Variants in CSGALNACT1 observed in about 807,000 individuals in gnomAD.
CSGALNACT1 encodes chondroitin sulfate N-acetylgalactosaminyltransferase 1.
In CSGALNACT1, 52 loss-of-function variants were observed where a neutral mutation model predicts 51.0. The observed-to-expected ratio is 1.02, with a 90% CI of 0.82 to 1.29. The LOEUF is 1.29. CSGALNACT1 is among the 50% of genes most tolerant of loss of function. The pLI is 0.00. For missense variants in CSGALNACT1, 935 were observed against 679.2 expected (o/e 1.38, Z -4.19); for synonymous variants, 341 against 254.4 (o/e 1.34, Z -3.24).
At chr8:19,666,984 A>G (rs1285046610) in intron 1 of CSGALNACT1, among the ~76,000 whole-genome samples, 31 of 16,832 alleles carry the variant, frequency 1.8e-3, no homozygotes, top group South Asian at 2.4e-3. Context: ...AGAAAGAAAG[A>G]AAGAAAGAAA....
intron 1 of CSGALNACT1, among the ~76,000 whole-genome samples, chr8:19,724,915 A>T (rs1276060962): frequency 1.3e-5 from 2 of 152,148 alleles, no homozygotes; most frequent in East Asian, 1.9e-4. Context: ...CTGGTGATGG[A>T]TGACTATCCA....
At chr8:19,404,376 G>T (rs936555705) in exon 10 of CSGALNACT1, 2 of 453,616 alleles carry the variant, frequency 4.4e-6, no homozygotes, top group African/African-American at 4.0e-5. Context: ...TGCATCTGGT[G>T]CTGGCTAATA....
chr8:19,656,290 T>A (rs996170170), intron 1 of CSGALNACT1, among the ~76,000 whole-genome samples: 1 of 152,196 alleles, frequency 6.6e-6, no homozygotes, highest in Admixed American at 6.5e-5. Context: ...GGGAAAAAGA[T>A]CTATCCTAAA....
chr8:19,741,153 C>T (rs2064287942), intron 1 of CSGALNACT1, among the ~76,000 whole-genome samples: 1 of 152,184 alleles, frequency 6.6e-6, no homozygotes, highest in African/African-American at 2.4e-5. Flanking sequence ...ATGCCCATAA[C>T]CTATCTAATC....
intron 4 of CSGALNACT1, among the ~76,000 whole-genome samples, chr8:19,479,120 C>G (rs1220477317): frequency 6.6e-6 from 1 of 152,202 alleles, no homozygotes; most frequent in Non-Finnish European, 1.5e-5. Context: ...ATGAAGCAGA[C>G]TTGAAAGAAA....
chr8:19,514,772 G>C (rs1167009041), intron 3 of CSGALNACT1, among the ~76,000 whole-genome samples: 2 of 151,634 alleles, frequency 1.3e-5, no homozygotes, highest in African/African-American at 4.9e-5. Context: ...GGTGGAGGTT[G>C]CAGTGAGCTG....
chr8:19,505,612 G>T, exon 4 of CSGALNACT1: 3 of 1,614,128 alleles, frequency 1.9e-6, no homozygotes, highest in Non-Finnish European at 2.5e-6. Flanking sequence ...TGCCGCTTCA[G>T]GCTGCTCACG....
intron 4 of CSGALNACT1, among the ~76,000 whole-genome samples, chr8:19,491,191 T>C (rs916003264): frequency 2.6e-5 from 4 of 152,218 alleles, no homozygotes; most frequent in South Asian, 2.1e-4. Flanking sequence ...ATTAAAATGA[T>C]AGCCTTTGTC....
chr8:19,723,122 G>C lies in CSGALNACT1; in HGVS notation c.-297+34728C>G, dbSNP rs1458669015. Among the ~76,000 whole-genome samples the C allele has an allele frequency of 2.6e-5, 4 of 152,176 alleles. No homozygotes were observed. The South Asian group carries it at 6.2e-4, about 24-fold the overall frequency. ...TTTCTCAGATTACCCTCAAGCCTCTGTCCTGGGAAATCTTCACCTTATTTT... is the reference window on the plus strand; with the variant it reads ...TTTCTCAGATTACCCTCAAGCCTCTCTCCTGGGAAATCTTCACCTTATTTT... On this transcript the variant is annotated intron_variant, in intron 1 of 1. Transcript: ENST00000517494.
intron 1 of CSGALNACT1, among the ~76,000 whole-genome samples, chr8:19,695,500 A>T (rs541515668): frequency 2.0e-5 from 3 of 152,294 alleles, no homozygotes; most frequent in South Asian, 4.1e-4. Flanking sequence ...ACTGTCAAAT[A>T]TCCCTTCTAA....
rs189481573 is a variant in CSGALNACT1, at chr8:19,458,709, C to T, written c.635-67G>A. On this transcript the variant is annotated intron_variant, in intron 4 of 9. Coordinates refer to ENST00000454498, the Ensembl canonical transcript of CSGALNACT1. ...CCTTGGCTGCTGAGTGTTTTTCAAC[C>T]GAGATCTAGCACAGAATGCCTTTAA... is the stretch of plus-strand genomic sequence containing the variant. 3.0e-4 allele frequency: 426 copies of T among 1,420,122 alleles called. 3 individuals carry two copies. The Admixed American group carries it at 6.8e-3, about 23-fold the overall frequency. 88.0% of individuals were successfully genotyped at this position (1,420,122 alleles called of 1,614,324 possible).
At chr8:19,568,437 C>T (rs997879340) in intron 3 of CSGALNACT1, among the ~76,000 whole-genome samples, 4 of 152,058 alleles carry the variant, frequency 2.6e-5, no homozygotes, top group Admixed American at 6.5e-5. Context: ...CATCATTATG[C>T]GGTGCATGGC....
At chr8:19,408,630 G>A in exon 9 of CSGALNACT1, 4 of 1,613,832 alleles carry the variant, frequency 2.5e-6, no homozygotes, top group Non-Finnish European at 2.5e-6. Context: ...GATGAAGTCT[G>A]ACCGATACTG....
In CSGALNACT1 at chr8:19,427,432, C is replaced by G. The variant is rs554996830; in HGVS notation, c.954-6914G>C. ...GGCACCAAACAAATTTGCCGATGCA[C>G]AGGAAAATGGTGAGATTCAAACATC... On this transcript the variant is annotated intron_variant, in intron 6 of 9. Coordinates refer to ENST00000454498, the Ensembl canonical transcript of CSGALNACT1. Among the ~76,000 whole-genome samples, 41 of 152,292 alleles carry G rather than the reference C, an allele frequency of 2.7e-4. 1 individual carries two copies. In the South Asian group the frequency reaches 2.9e-3, roughly 11 times the overall value.
At chr8:19,446,064 A>G (rs539481467) in intron 5 of CSGALNACT1, among the ~76,000 whole-genome samples, 2 of 152,188 alleles carry the variant, frequency 1.3e-5, no homozygotes, top group East Asian at 3.9e-4. Flanking sequence ...AATAGCAGCT[A>G]TTTGGGAGGC....
intron 3 of CSGALNACT1, among the ~76,000 whole-genome samples, chr8:19,573,889 T>A (rs915967789): frequency 1.3e-5 from 2 of 152,166 alleles, no homozygotes; most frequent in African/African-American, 4.8e-5. Flanking sequence ...ACTGGTTCCA[T>A]CATAAGCTGG....
intron 2 of CSGALNACT1, among the ~76,000 whole-genome samples, chr8:19,595,672 T>G (rs2048730944): frequency 6.6e-6 from 1 of 152,010 alleles, no homozygotes; most frequent in Non-Finnish European, 1.5e-5. Context: ...TCCCAGCACT[T>G]TGGGAGGCCA....
intron 1 of CSGALNACT1, among the ~76,000 whole-genome samples, chr8:19,646,832 C>A (rs1382321790): frequency 6.6e-6 from 1 of 152,266 alleles, no homozygotes; most frequent in East Asian, 1.9e-4. Context: ...CCATCTATTG[C>A]GTTGACCTGC....
upstream of CSGALNACT1, chr8:19,682,868 C>A: frequency 2.6e-6 from 1 of 383,382 alleles, no homozygotes; most frequent in Non-Finnish European, 5.3e-6. Context: ...GCAGCCCTCA[C>A]AGGTCCAACT....
Sources: allele counts gnomAD v4.1 joint callset (sites outside exome capture counted in the v4.1 genomes callset), GRCh38; gene constraint gnomAD v4.1.1; transcripts MANE v1.5; gene names NCBI Gene and HGNC (gene_info 2026-07-23, HGNC 2026-07-21).